The following FAS variants were observed in gnomAD, a reference collection of about 807,000 sequenced individuals.
FAS encodes Fas cell surface death receptor.
FAS carries 5 observed loss-of-function variants against 33.2 expected under a neutral mutation model. The observed-to-expected ratio is 0.15, with a 90% CI of 0.08 to 0.32. FAS has a LOEUF of 0.32. Among genes scored for constraint, FAS ranks in the 10% least tolerant of loss-of-function variants. The pLI is 1.00. For synonymous variants in FAS, 131 were observed against 130.7 expected (o/e 1.00, Z -0.01); for missense variants, 339 against 386.0 (o/e 0.88, Z 1.02).
chr10:89,001,263 C>CTTT (rs10600180), intron 1 of FAS, among the ~76,000 whole-genome samples: 3 of 142,058 alleles, frequency 2.1e-5, no homozygotes, highest in South Asian at 2.2e-4. Flanking sequence ...CACTGAATGC[C>CTTT]TTTTTTTTTT....
At chr10:89,009,646 T>C (rs1848425021) in intron 4 of FAS, among the ~76,000 whole-genome samples, 1 of 152,154 alleles carries the variant, frequency 6.6e-6, no homozygotes, top group African/African-American at 2.4e-5. Context: ...TGGGAAGCTT[T>C]TAGGAGTTCA....
chr10:89,008,611 C>T (rs952724902), intron 3 of FAS, among the ~76,000 whole-genome samples: 1 of 152,152 alleles, frequency 6.6e-6, no homozygotes, highest in African/African-American at 2.4e-5. Flanking sequence ...CTGCCAGTCC[C>T]CAGGTCACCC....
intron 2 of FAS, among the ~76,000 whole-genome samples, chr10:89,006,113 G>A (rs558341966): frequency 1.3e-5 from 2 of 152,260 alleles, no homozygotes; most frequent in African/African-American, 4.8e-5. Context: ...AGAACCTGTG[G>A]TTTACTGTAT....
At position 89,010,547 on chromosome 10, in the gene FAS, A is replaced by G. The variant is rs1848473930; in HGVS notation, c.452A>G (p.His151Arg). The G allele has an allele frequency of 6.2e-7, 1 of 1,613,712 alleles. No homozygotes were observed. The highest frequency in any genetic ancestry group is 2.2e-5 in the East Asian group (1 of 44,852). The change falls in exon 5 of 9, where the codon CAT becomes CGT. Residue 151 changes from histidine (H) to arginine (R), a missense_variant. This residue lies in a region of FAS where 276 missense variants were observed against 300.1 expected (regional missense o/e 0.92). Coordinates refer to ENST00000652046, the MANE Select transcript of FAS (RefSeq NM_000043.6). ...TGTATTTTTTTTTCTAGATGTGAAC[A>G]TGGAATCATCAAGGAATGCACACTC... ...EHCDPCTKCE[H>R]GIIKECTLTS... is the part of the protein sequence containing the mutation.
At chr10:88,995,490 A>T (rs1448704055) in intron 1 of FAS, among the ~76,000 whole-genome samples, 2 of 152,222 alleles carry the variant, frequency 1.3e-5, no homozygotes, top group Admixed American at 1.3e-4. Context: ...AACTAGCCTG[A>T]GTCCCACTAA....
intron 3 of FAS, 26 bp downstream of exon 3, chr10:89,007,863 A>G (rs751648222): frequency 1.2e-6 from 2 of 1,613,440 alleles, no homozygotes; most frequent in East Asian, 4.5e-5. Context: ...TGCAATTGAA[A>G]GAGGCCAATC....
At chr10:89,006,598 C>T (rs1848241815) in intron 2 of FAS, among the ~76,000 whole-genome samples, 1 of 152,142 alleles carries the variant, frequency 6.6e-6, no homozygotes, top group Non-Finnish European at 1.5e-5. Context: ...TTGATATTTT[C>T]TGTCACTTTC....
intron 1 of FAS, among the ~76,000 whole-genome samples, chr10:88,971,874 T>C (rs562833165): frequency 2.6e-5 from 4 of 152,202 alleles, no homozygotes; most frequent in African/African-American, 9.6e-5. Flanking sequence ...AAATTTATAG[T>C]TTCTGAAGCG....
At chr10:89,010,922 T>G (rs1848499349) in intron 6 of FAS, 107 bp downstream of exon 6, 1 of 1,310,582 alleles carries the variant, frequency 7.6e-7, no homozygotes, top group Non-Finnish European at 1.1e-6. Flanking sequence ...GGTAGATTTA[T>G]GTATTGTTAA....
chr10:88,973,478 T>C, intron 2 of FAS: 1 of 825,994 alleles, frequency 1.2e-6, no homozygotes, highest in Non-Finnish European at 1.7e-6. Context: ...TCATCTTGAT[T>C]ATCAGTTTCT....
intron 2 of FAS, among the ~76,000 whole-genome samples, chr10:88,981,267 G>A (rs1742658695): frequency 6.6e-6 from 1 of 152,190 alleles, no homozygotes; most frequent in South Asian, 2.1e-4. Context: ...AATATTAGAT[G>A]TTAAGATTAG....
At chr10:89,009,660 A>T (rs996250784) in intron 4 of FAS, among the ~76,000 whole-genome samples, 3 of 152,194 alleles carry the variant, frequency 2.0e-5, no homozygotes, top group African/African-American at 7.2e-5. Context: ...GAGTTCATCT[A>T]ATAGGCTTAA....
intron 2 of FAS, among the ~76,000 whole-genome samples, chr10:89,005,035 A>G (rs1474739489): frequency 1.3e-5 from 2 of 152,212 alleles, no homozygotes; most frequent in East Asian, 1.9e-4. Flanking sequence ...GGAGAATTCA[A>G]TAAAGATGAG....
At chr10:88,964,773 T>C (rs1235424278) in intron 1 of FAS, among the ~76,000 whole-genome samples, 1 of 152,070 alleles carries the variant, frequency 6.6e-6, no homozygotes, top group African/African-American at 2.4e-5. Flanking sequence ...TACCAACTGG[T>C]CTCCTTCCCT....
At chr10:88,975,321 G>A (rs939099723) in intron 2 of FAS, among the ~76,000 whole-genome samples, 2 of 152,230 alleles carry the variant, frequency 1.3e-5, no homozygotes, top group Non-Finnish European at 2.9e-5. Flanking sequence ...AGAGCAGCGT[G>A]TGCATTTGAA....
chr10:88,985,814 G>A (rs1363410682), upstream of FAS, among the ~76,000 whole-genome samples: 1 of 152,200 alleles, frequency 6.6e-6, no homozygotes, highest in Non-Finnish European at 1.5e-5. Flanking sequence ...GTTGTTTGGG[G>A]GCAGGGAGGA....
chr10:89,014,691 A>G lies in FAS; in HGVS notation c.*241A>G, dbSNP rs527767951. 3.8e-5 allele frequency: 25 copies of G among 658,410 alleles called. No individual in the cohort carries two copies. Among genetic ancestry groups the G allele is most frequent in the African/African-American group, 3.7e-4 (21 of 56,698 alleles). The allele number at this position is 658,410 out of a possible 1,614,324, so 40.8% of individuals were successfully genotyped here. On this transcript the variant is annotated 3_prime_UTR_variant, in exon 9 of 9. Coordinates refer to ENST00000652046, the MANE Select transcript of FAS (RefSeq NM_000043.6). ...AATGCAGTGGCATGCTAAGTACCCA[A>G]ATAGGAGTGTATGCAGAGGATGAAA...
At chr10:88,967,788 C>A (rs1287704638) in intron 1 of FAS, among the ~76,000 whole-genome samples, 1 of 152,162 alleles carries the variant, frequency 6.6e-6, no homozygotes, top group Non-Finnish European at 1.5e-5. Flanking sequence ...AATGATGGCT[C>A]ACACACCAGA....
intron 2 of FAS, chr10:88,974,338 A>G (rs1477926391): frequency 6.6e-6 from 1 of 152,144 alleles, no homozygotes. Context: ...CCCAAAATAG[A>G]TGTCTAAAGA....
Sources: allele counts gnomAD v4.1 joint callset (sites outside exome capture counted in the v4.1 genomes callset), GRCh38; gene constraint gnomAD v4.1.1; regional missense constraint gnomAD v4.1.1; transcripts MANE v1.5; gene names NCBI Gene and HGNC (gene_info 2026-07-23, HGNC 2026-07-21).